Variants in SYNDIG1 observed in about 807,000 individuals in gnomAD.
SYNDIG1 encodes synapse differentiation inducing 1.
SYNDIG1 carries 9 observed loss-of-function variants against 19.4 expected under a neutral mutation model. That is an observed-to-expected ratio of 0.46 (90% CI 0.28 to 0.81). The LOEUF is 0.81. SYNDIG1 is among the 30% of genes least tolerant of loss of function. The probability of loss-of-function intolerance (pLI) is 0.12; values close to 1 mark genes in which losing one functional copy is unlikely to be tolerated. For missense variants in SYNDIG1, 311 were observed against 343.3 expected, an observed-to-expected ratio of 0.91 and a Z score of 0.74; for synonymous variants, 141 against 145.9, an observed-to-expected ratio of 0.97 and a Z score of 0.24.
Position 24,621,009 on chromosome 20 carries a change from G to T in SYNDIG1, c.618+36016G>T, listed in dbSNP as rs561255628. Among the ~76,000 whole-genome samples, 20 of 152,352 alleles carry T rather than the reference G, an allele frequency of 1.3e-4. 1 individual carries two copies. In the South Asian group the frequency reaches 4.1e-3, roughly 32 times the overall value. ...AGCAATGATGATAAACACATTACCT[G>T]ATGGAGATAAAAGGGCTAAGAATCT... On this transcript the variant is annotated intron_variant, in intron 3 of 3. Transcript: ENST00000376862.
At chr20:24,551,303 TC>T (rs1600598368) in intron 2 of SYNDIG1, among the ~76,000 whole-genome samples, 1 of 152,204 alleles carries the variant, frequency 6.6e-6, no homozygotes, top group East Asian at 1.9e-4. Context: ...TCCATTTAAA[TC>T]CTTTTACTTT....
chr20:24,493,136 T>C (rs2056201650), intron 1 of SYNDIG1, among the ~76,000 whole-genome samples: 1 of 152,266 alleles, frequency 6.6e-6, no homozygotes, highest in African/African-American at 2.4e-5. Context: ...GTCAATTTCG[T>C]TGGAAAAATT....
At chr20:24,475,392 A>G (rs923944267) in intron 1 of SYNDIG1, among the ~76,000 whole-genome samples, 7 of 152,174 alleles carry the variant, frequency 4.6e-5, no homozygotes, top group African/African-American at 9.7e-5. Context: ...TCTGTAGCCA[A>G]CCTTCATGTC....
intron 3 of SYNDIG1, 105 bp downstream of exon 3, chr20:24,585,098 T>C (rs2058394943): frequency 1.4e-6 from 2 of 1,427,238 alleles, no homozygotes; most frequent in South Asian, 2.6e-5. Context: ...CCCAAACAGC[T>C]CCTGCTACAG....
intron 2 of SYNDIG1, among the ~76,000 whole-genome samples, chr20:24,549,430 T>C (rs1008845796): frequency 1.3e-5 from 2 of 152,170 alleles, no homozygotes; most frequent in Non-Finnish European, 2.9e-5. Context: ...TCCTGTGGTG[T>C]TGAAATGGGA....
chr20:24,591,658 G>T (rs1475531461), intron 3 of SYNDIG1, among the ~76,000 whole-genome samples: 2 of 152,030 alleles, frequency 1.3e-5, no homozygotes, highest in South Asian at 2.1e-4. Context: ...GGACAGTTAG[G>T]GGAGCAATAA....
intron 3 of SYNDIG1, chr20:24,597,178 T>G (rs957608104): frequency 3.9e-5 from 6 of 152,256 alleles, no homozygotes; most frequent in African/African-American, 1.2e-4. Flanking sequence ...ATTGTCCCAG[T>G]AGCTCTCCCC....
In SYNDIG1 at chr20:24,543,231, C is replaced by T. The variant is rs199777977; in HGVS notation, c.134C>T (p.Ala45Val). The T allele has an allele frequency of 1.0e-4, 168 of 1,613,872 alleles. No homozygotes were observed. Among genetic ancestry groups the T allele is most frequent in the Middle Eastern group, 3.3e-4 (2 of 6,058 alleles). ...GATGGTCTGGTGTCTGTTTACCCAG[C>T]GCCCCAGTACCAGAGCCACCGGGTG... is the stretch of plus-strand genomic sequence containing the variant. Reference protein sequence around the residue: ...SRDGLVSVYPAPQYQSHRVGA... With the variant: ...SRDGLVSVYPVPQYQSHRVGA... Residue 45 changes from alanine (A) to valine (V), a missense_variant, in exon 2 of 4, where the codon GCG becomes GTG. Transcript: ENST00000376862.
At chr20:24,528,465 G>A (rs910013047) in intron 1 of SYNDIG1, among the ~76,000 whole-genome samples, 4 of 152,094 alleles carry the variant, frequency 2.6e-5, no homozygotes, top group African/African-American at 7.2e-5. Flanking sequence ...TCTGAAGGCC[G>A]GGAAGTCCAA....
At chr20:24,501,618 C>G (rs1319571441) in intron 1 of SYNDIG1, among the ~76,000 whole-genome samples, 4 of 152,212 alleles carry the variant, frequency 2.6e-5, no homozygotes. Flanking sequence ...CAGTGACATA[C>G]TTTGCCTCTC....
At chr20:24,602,143 C>T (rs2058688953) in intron 3 of SYNDIG1, among the ~76,000 whole-genome samples, 1 of 152,058 alleles carries the variant, frequency 6.6e-6, no homozygotes, top group Non-Finnish European at 1.5e-5. Flanking sequence ...TAGTCTATGC[C>T]TGATCATTAT....
At chr20:24,549,439 G>A (rs761775365) in intron 2 of SYNDIG1, among the ~76,000 whole-genome samples, 4 of 152,090 alleles carry the variant, frequency 2.6e-5, no homozygotes, top group African/African-American at 9.7e-5. Flanking sequence ...GTTGAAATGG[G>A]AGAGTTCCCT....
At chr20:24,566,929 C>G (rs2146916504) in intron 2 of SYNDIG1, among the ~76,000 whole-genome samples, 1 of 152,302 alleles carries the variant, frequency 6.6e-6, no homozygotes, top group East Asian at 1.9e-4. Context: ...TGCATGTTCT[C>G]TAACCACTTC....
chr20:24,594,822 T>A (rs781426158), intron 3 of SYNDIG1, among the ~76,000 whole-genome samples: 4 of 152,168 alleles, frequency 2.6e-5, no homozygotes, highest in Non-Finnish European at 2.9e-5. Context: ...ATCTTGGGTG[T>A]TGTTGGTGTA....
chr20:24,479,196 C>T (rs189686893), intron 1 of SYNDIG1, among the ~76,000 whole-genome samples: 1 of 152,308 alleles, frequency 6.6e-6, no homozygotes, highest in Non-Finnish European at 1.5e-5. Context: ...CAGAGGGTCT[C>T]TGTCTCCACC....
intron 2 of SYNDIG1, among the ~76,000 whole-genome samples, chr20:24,568,663 A>G (rs913547689): frequency 4.6e-5 from 7 of 152,230 alleles, no homozygotes; most frequent in African/African-American, 1.7e-4. Flanking sequence ...AGCAGCAGAC[A>G]GGATTTCCAA....
At position 24,617,297 on chromosome 20, in the gene SYNDIG1, G is replaced by C. The variant is rs574019702; in HGVS notation, c.618+32304G>C. Among the ~76,000 whole-genome samples the C allele has an allele frequency of 5.3e-5, 8 of 151,944 alleles. No homozygotes were observed. The East Asian group carries it at 1.6e-3, about 30-fold the overall frequency. On this transcript the variant is annotated intron_variant, in intron 3 of 3. Coordinates refer to ENST00000376862, the MANE Select transcript of SYNDIG1 (RefSeq NM_024893.3). ...TTCCTCTCCCTCACCTCCTAAACTCGGTCACCGACTCTGCCCCATCAGGAC... is the reference window on the plus strand; with the variant it reads ...TTCCTCTCCCTCACCTCCTAAACTCCGTCACCGACTCTGCCCCATCAGGAC...
At chr20:24,626,465 A>G (rs939894488) in intron 3 of SYNDIG1, among the ~76,000 whole-genome samples, 68 of 150,786 alleles carry the variant, frequency 4.5e-4, no homozygotes, top group African/African-American at 1.6e-3. Flanking sequence ...CGCTCCCCAC[A>G]TCTCAGACGA....
chr20:24,485,617 G>A (rs1335920503), intron 1 of SYNDIG1, among the ~76,000 whole-genome samples: 69 of 151,894 alleles, frequency 4.5e-4, no homozygotes, highest in Admixed American at 4.3e-3. Flanking sequence ...TCTTTATTTC[G>A]TACAGTAATA....
Sources: allele counts gnomAD v4.1 joint callset (sites outside exome capture counted in the v4.1 genomes callset), GRCh38; gene constraint gnomAD v4.1.1; transcripts MANE v1.5; gene names NCBI Gene and HGNC (gene_info 2026-07-23, HGNC 2026-07-21).